Variants in ADGRB3 observed in about 807,000 individuals in gnomAD.
ADGRB3 encodes brain-specific angiogenesis inhibitor 3.
ADGRB3 carries 37 observed loss-of-function variants against 193.4 expected under a neutral mutation model. The ratio of observed to expected loss-of-function variants is 0.19; its 90% confidence interval spans 0.15 to 0.25. The LOEUF (loss-of-function observed/expected upper bound fraction) is 0.25, where lower values mean the gene tolerates loss of function less well. Ranked by LOEUF, ADGRB3 falls within the 10% of genes least tolerant of loss-of-function variation. ADGRB3 has a pLI of 1.00. For synonymous variants in ADGRB3, 690 were observed against 644.2 expected (o/e 1.07, Z -1.08); for missense variants, 1,637 against 1,852.9 (o/e 0.88, Z 2.14).
chr6:69,096,525 C>G (rs1445394692), intron 17 of ADGRB3, among the ~76,000 whole-genome samples: 1 of 152,026 alleles, frequency 6.6e-6, no homozygotes, highest in Non-Finnish European at 1.5e-5. Context: ...TGAATATTAG[C>G]TCCCCCATTG....
At chr6:68,934,037 G>A (rs1042729662) in intron 4 of ADGRB3, among the ~76,000 whole-genome samples, 1 of 151,994 alleles carries the variant, frequency 6.6e-6, no homozygotes, top group Non-Finnish European at 1.5e-5. Context: ...TTCTCACAAT[G>A]GCCTAATGTG....
intron 3 of ADGRB3, among the ~76,000 whole-genome samples, chr6:68,772,719 G>T (rs1486115576): frequency 6.6e-6 from 1 of 150,862 alleles, no homozygotes; most frequent in East Asian, 2.0e-4. Context: ...TTTATACCTT[G>T]TAAAAACAAA....
rs563691760 is a variant in ADGRB3 at position 69,332,837 on chromosome 6, A to C, written c.3103-86A>C. The C allele has an allele frequency of 1.3e-5, 20 of 1,554,846 alleles. 1 individual carries two copies. The South Asian group carries it at 2.4e-4, about 19-fold the overall frequency. ...ACTACTAGTGATACGGTGGTTATGA[A>C]TTGATAAAAATAGGATTTTCAGGAG... On this transcript the variant is annotated intron_variant, in intron 23 of 31. Transcript: ENST00000370598.
At chr6:68,793,329 A>G (rs905485366) in intron 3 of ADGRB3, among the ~76,000 whole-genome samples, 3 of 152,106 alleles carry the variant, frequency 2.0e-5, no homozygotes, top group East Asian at 1.9e-4. Context: ...CATGTACTCA[A>G]TGCTTTACCA....
chr6:68,993,471 C>G (rs1322504624), intron 10 of ADGRB3, among the ~76,000 whole-genome samples: 1 of 152,082 alleles, frequency 6.6e-6, no homozygotes, highest in African/African-American at 2.4e-5. Flanking sequence ...GATTTTTACT[C>G]CAATTAAGAA....
intron 3 of ADGRB3, among the ~76,000 whole-genome samples, chr6:68,778,243 T>A (rs117747000): frequency 0.023 from 3,483 of 152,214 alleles, 68 homozygotes; most frequent in South Asian, 0.07. Flanking sequence ...TTATCTAGTC[T>A]AGTACATGGT....
At chr6:69,101,994 G>C (rs910602469) in intron 17 of ADGRB3, among the ~76,000 whole-genome samples, 4 of 152,020 alleles carry the variant, frequency 2.6e-5, no homozygotes, top group Admixed American at 1.3e-4. Context: ...TCAAGACCAC[G>C]GTGAAACCCC....
At chr6:69,286,783 A>G (rs1422614836) in intron 20 of ADGRB3, among the ~76,000 whole-genome samples, 1 of 152,218 alleles carries the variant, frequency 6.6e-6, no homozygotes, top group African/African-American at 2.4e-5. Flanking sequence ...AAGAAAAGAA[A>G]ATGAACATTC....
At chr6:68,938,215 A>G (rs965065192) in intron 5 of ADGRB3, among the ~76,000 whole-genome samples, 1 of 152,032 alleles carries the variant, frequency 6.6e-6, no homozygotes, top group Non-Finnish European at 1.5e-5. Flanking sequence ...GCATGAAGTA[A>G]AAACAAAAAA....
chr6:68,936,203 A>G lies in ADGRB3; in HGVS notation c.869-316A>G, dbSNP rs189880611. Among the ~76,000 whole-genome samples, 106 of 152,302 alleles carry G rather than the reference A, an allele frequency of 7.0e-4. 2 individuals are homozygous for G. Among genetic ancestry groups the G allele is most frequent in the Admixed American group, 6.7e-3 (103 of 15,290 alleles). On this transcript the variant is annotated intron_variant, in intron 4 of 31. Coordinates refer to ENST00000370598, the MANE Select transcript of ADGRB3 (RefSeq NM_001704.3). ...CATCAAAATACAAAGTCTTAGATTA[A>G]TTTGAAGAGAATCACCTCAACAAAT...
chr6:68,678,892 A>G (rs1220555854), intron 3 of ADGRB3, among the ~76,000 whole-genome samples: 1 of 152,222 alleles, frequency 6.6e-6, no homozygotes, highest in Non-Finnish European at 1.5e-5. Flanking sequence ...CATTATAATG[A>G]TAATAAAACA....
chr6:68,840,661 T>C (rs116422063), intron 3 of ADGRB3, among the ~76,000 whole-genome samples: 1,663 of 151,508 alleles, frequency 0.011, 32 homozygotes, highest in African/African-American at 0.038. Flanking sequence ...GAGAACCAGG[T>C]AGATTCAAGA....
rs559928993 is a variant in ADGRB3 at position 68,877,478 on chromosome 6, T to C, written c.758-53081T>C. 2.6e-5 allele frequency among the ~76,000 whole-genome samples: 4 copies of C among 152,242 alleles called. No individual in the cohort carries two copies. The East Asian group carries it at 5.8e-4, about 22-fold the overall frequency. On this transcript the variant is annotated intron_variant, in intron 3 of 31. Coordinates refer to ENST00000370598, the MANE Select transcript of ADGRB3 (RefSeq NM_001704.3). ...AAGTATTTTCATATTCACATAAGGC[T>C]ACTTTAGGTTTATAAAAAGTCCATC...
intron 3 of ADGRB3, among the ~76,000 whole-genome samples, chr6:68,719,981 A>G (rs1354810075): frequency 6.6e-6 from 1 of 151,704 alleles, no homozygotes; most frequent in African/African-American, 2.4e-5. Flanking sequence ...GAGGGCTTTC[A>G]TGTTTCAACA....
intron 3 of ADGRB3, among the ~76,000 whole-genome samples, chr6:68,817,063 G>C (rs950953501): frequency 2.0e-5 from 3 of 151,494 alleles, no homozygotes; most frequent in African/African-American, 7.3e-5. Flanking sequence ...TTCCCTGCTA[G>C]ACCAAAATTC....
At chr6:69,044,818 G>A (rs553583693) in intron 13 of ADGRB3, among the ~76,000 whole-genome samples, 240 of 152,274 alleles carry the variant, frequency 1.6e-3, no homozygotes, top group Middle Eastern at 3.4e-3. Flanking sequence ...GTGCGTATTT[G>A]TTCAGGGACA....
chr6:69,192,610 T>G (rs953078991), intron 17 of ADGRB3, among the ~76,000 whole-genome samples: 2 of 152,180 alleles, frequency 1.3e-5, no homozygotes, highest in Non-Finnish European at 2.9e-5. Flanking sequence ...GGTAAAATGG[T>G]TCTAAACTTT....
chr6:69,192,567 T>A (rs1283316561), intron 17 of ADGRB3, among the ~76,000 whole-genome samples: 1 of 152,166 alleles, frequency 6.6e-6, no homozygotes, highest in Non-Finnish European at 1.5e-5. Flanking sequence ...ATTTTGTATA[T>A]GAGCTTTTTT....
intron 20 of ADGRB3, among the ~76,000 whole-genome samples, chr6:69,273,051 C>T (rs1298472274): frequency 1.3e-5 from 2 of 152,140 alleles, no homozygotes; most frequent in Non-Finnish European, 2.9e-5. Context: ...CAAGCCCGTG[C>T]CACCATGCCC....
Sources: gnomAD v4.1 joint callset for allele counts (sites outside exome capture counted in the v4.1 genomes callset) on GRCh38, gnomAD v4.1.1 for gene constraint, MANE v1.5 for transcripts, NCBI Gene and HGNC (gene_info 2026-07-23, HGNC 2026-07-21) for gene names.